The following NUTM2F variants were observed in gnomAD, a reference collection of about 807,000 sequenced individuals.
The protein encoded by NUTM2F is family with sequence similarity 22, member F.
Under a neutral mutation model 43.3 loss-of-function variants are expected in NUTM2F, and 22 were observed. The observed-to-expected ratio is 0.51, with a 90% CI of 0.36 to 0.73. The LOEUF is 0.73. Among genes scored for constraint, NUTM2F ranks in the 30% least tolerant of loss-of-function variants. The pLI, the probability that NUTM2F is intolerant of heterozygous loss-of-function variation, is 0.00. For synonymous variants in NUTM2F, 202 were observed against 389.0 expected (o/e 0.52, Z 5.66); for missense variants, 488 against 927.4 (o/e 0.53, Z 6.15).
At chr9:94,324,021 G>A (rs1831417269) in intron 2 of NUTM2F, among the ~76,000 whole-genome samples, 1 of 152,190 alleles carries the variant, frequency 6.6e-6, no homozygotes, top group South Asian at 2.1e-4. Context: ...TGCAATCCTA[G>A]CACTTTGGGA....
Position 94,320,721 on chromosome 9 carries a change from G to A in NUTM2F, c.983-128C>T, listed in dbSNP as rs931448290. 13 of 1,358,518 alleles carry A rather than the reference G, an allele frequency of 9.6e-6. No homozygotes were observed. The highest frequency in any genetic ancestry group is 1.5e-5 in the African/African-American group (1 of 68,738). 84.2% of individuals were successfully genotyped at this position (1,358,518 alleles called of 1,614,324 possible). A position where few individuals can be genotyped will look rare whatever the true frequency, so the allele number is the denominator to read the frequency against. The stretch of plus-strand genomic sequence containing the variant: ...GGGTCAGGACCACCTGAACCACAGC[G>A]CCCCGGAGGAGACGCCACAGGAGGG... On this transcript the variant is annotated intron_variant, in intron 4 of 6. Transcript: ENST00000253262. This position sits in a 1 kb window ranked among gnomAD's most constrained non-coding sequence, Gnocchi z 4.5.
chr9:94,324,857 C>T (rs1282339917), intron 2 of NUTM2F, among the ~76,000 whole-genome samples: 1 of 149,636 alleles, frequency 6.7e-6, no homozygotes, highest in African/African-American at 2.5e-5. Flanking sequence ...CATGGTGGCA[C>T]ATGCCTGTAA....
At position 94,325,887 on chromosome 9, in the gene NUTM2F, G is replaced by A. The variant is rs1384495492; in HGVS notation, c.64C>T (p.Leu22=). The stretch of plus-strand genomic sequence containing the variant: ...AAGGGCAGAGCCGTGAACACAGACA[G>A]GGAGGTGCCAGGGTTCACGGTCACG... ...PGVTVNPGTS[L]SVFTALPFAT... is the part of the protein sequence containing the mutation. Residue 22 remains leucine (L), a synonymous_variant, in exon 2 of 7, where the codon CTG becomes TTG. Transcript: ENST00000253262. 4 of 1,611,852 alleles carry A rather than the reference G, an allele frequency of 2.5e-6. No individual in the cohort carries two copies. The African/African-American group carries it at 5.3e-5, about 22-fold the overall frequency.
chr9:94,323,793 G>C (rs192934813), intron 2 of NUTM2F, among the ~76,000 whole-genome samples: 1 of 152,108 alleles, frequency 6.6e-6, no homozygotes, highest in Non-Finnish European at 1.5e-5. Flanking sequence ...ACCCTAGTGC[G>C]GGTCCCAAGA....
Position 94,320,660 on chromosome 9 carries a change from A to G in NUTM2F, c.983-67T>C, listed in dbSNP as rs1427672539. 6.9e-7 allele frequency: 1 copy of G among 1,459,128 alleles called. No individual in the cohort carries two copies. Among genetic ancestry groups the G allele is most frequent in the African/African-American group, 1.4e-5 (1 of 71,578 alleles). The allele number at this position is 1,459,128 out of a possible 1,614,324, so 90.4% of individuals were successfully genotyped here. On this transcript the variant is annotated intron_variant, in intron 4 of 6. Transcript: ENST00000253262. The surrounding 1 kb of genome is among the most constrained non-coding windows in gnomAD (Gnocchi z 4.5). Reference sequence around the variant, plus strand: ...TCCTCCTGCCTGCACCACACAGGGGAGGGCAGGGCTTGGGGATGTGAAGTG... The same window carrying G: ...TCCTCCTGCCTGCACCACACAGGGGGGGGCAGGGCTTGGGGATGTGAAGTG...
chr9:94,322,977 C>A (rs1415849814), intron 2 of NUTM2F, among the ~76,000 whole-genome samples: 5 of 151,328 alleles, frequency 3.3e-5, no homozygotes, highest in Admixed American at 2.6e-4. Context: ...GTGCAGGTTC[C>A]TGGGCCACAG....
intron 2 of NUTM2F, among the ~76,000 whole-genome samples, chr9:94,322,635 T>A (rs1006468219): frequency 1.3e-5 from 2 of 152,196 alleles, no homozygotes; most frequent in Non-Finnish European, 2.9e-5. Flanking sequence ...TCAGTGTCAG[T>A]GTGTCAGTAT....
At position 94,325,794 on chromosome 9, in the gene NUTM2F, G is replaced by C. The variant is rs1283088247; in HGVS notation, c.157C>G (p.Pro53Ala). ...LVTAVVPPAG[P>A]LVLSAFPSTP... ...CTGGGGAAGGCAGAGAGCACCAGAG[G>C]GCCGGCTGGAGGAACCACTGCAGTC... Residue 53 changes from proline (P) to alanine (A), a missense_variant, in exon 2 of 7, where the codon CCT (proline) becomes GCT (alanine). Physicochemically the swap from Pro to Ala is conservative, Grantham distance 27. Coordinates refer to ENST00000253262, the MANE Select transcript of NUTM2F (RefSeq NM_017561.2). 6.2e-7 allele frequency: 1 copy of C among 1,612,176 alleles called. No individual in the cohort carries two copies. The highest frequency in any genetic ancestry group is 1.3e-5 in the African/African-American group (1 of 74,996).
chr9:94,327,287 A>G (rs1021063019), intron 1 of NUTM2F, among the ~76,000 whole-genome samples: 6 of 151,802 alleles, frequency 4.0e-5, no homozygotes, highest in African/African-American at 1.5e-4. Context: ...TATTTTTAGT[A>G]GAGACGGGGT....
chr9:94,321,195 G>C lies in NUTM2F; in HGVS notation c.880C>G (p.Gln294Glu). 1 of 1,571,268 alleles carries C rather than the reference G, an allele frequency of 6.4e-7. No individual in the cohort carries two copies. The highest frequency in any genetic ancestry group is 8.6e-7 in the Non-Finnish European group (1 of 1,166,664). ...GGCCCCTTCATCCACTGCGATTTCT[G>C]AATCTGCATCTCCTCCTCAGCCTCA... ...EFEAEEEMQI[Q>E]KSQWMKGPQS... The change falls in exon 4 of 7, where the codon CAG (glutamine) becomes GAG (glutamate). Residue 294 changes from glutamine (Q) to glutamate (E), a missense_variant. Physicochemically the swap from Gln to Glu is conservative, Grantham distance 29 (BLOSUM62 2). Coordinates refer to ENST00000253262, the MANE Select transcript of NUTM2F (RefSeq NM_017561.2).
At chr9:94,324,215 A>G (rs1177822383) in intron 2 of NUTM2F, among the ~76,000 whole-genome samples, 6 of 151,902 alleles carry the variant, frequency 3.9e-5, no homozygotes, top group Non-Finnish European at 8.8e-5. Flanking sequence ...GGTTGCGGTG[A>G]GCCAAGATCT....
intron 3 of NUTM2F, among the ~76,000 whole-genome samples, chr9:94,321,857 C>T (rs1357158604): frequency 2.0e-5 from 3 of 151,340 alleles, no homozygotes; most frequent in African/African-American, 7.3e-5. Flanking sequence ...AGGAGCCTGC[C>T]CCCCACTCTG....
rs1450730906 is a variant in NUTM2F at position 94,322,129 on chromosome 9, C to G, written c.842+72G>C. 5.7e-6 allele frequency: 9 copies of G among 1,592,108 alleles called. No homozygotes were observed. The African/African-American group carries it at 9.5e-5, about 17-fold the overall frequency. On this transcript the variant is annotated intron_variant, in intron 3 of 6. Coordinates refer to ENST00000253262, the MANE Select transcript of NUTM2F (RefSeq NM_017561.2). ...CTCATGCTCCATGCTGAGAAGCCACCACGGCCACCGGGCCTCTGTCATTCA... is the reference window on the plus strand; with the variant it reads ...CTCATGCTCCATGCTGAGAAGCCACGACGGCCACCGGGCCTCTGTCATTCA...
In NUTM2F at chr9:94,322,330, C is replaced by T. The variant is rs762953320; in HGVS notation, c.714-1G>A. The T allele has an allele frequency of 6.2e-7, 1 of 1,611,920 alleles. No homozygotes were observed. The highest frequency in any genetic ancestry group is 8.5e-7 in the Non-Finnish European group (1 of 1,179,818). On this transcript the variant is annotated splice_acceptor_variant, in intron 2 of 6. Coordinates refer to ENST00000253262, the MANE Select transcript of NUTM2F (RefSeq NM_017561.2). LOFTEE classifies it high-confidence loss of function. ...CCGGGCCAGGGATCGGAGAACTGGGCTGTAAACCAGTGCAGTCAGTCCCAG... is the reference window on the plus strand; with the variant it reads ...CCGGGCCAGGGATCGGAGAACTGGGTTGTAAACCAGTGCAGTCAGTCCCAG...
At chr9:94,326,193 C>A (rs1314205369) in intron 1 of NUTM2F, among the ~76,000 whole-genome samples, 1 of 151,900 alleles carries the variant, frequency 6.6e-6, no homozygotes, top group East Asian at 1.9e-4. Flanking sequence ...CTCTGAGGGT[C>A]TCCCTCGGGT....
In NUTM2F at chr9:94,320,643, C is replaced by A. The variant is rs1337824577; in HGVS notation, c.983-50G>T. 3 of 1,516,570 alleles carry A rather than the reference C, an allele frequency of 2.0e-6. No homozygotes were observed. Among genetic ancestry groups the A allele is most frequent in the Non-Finnish European group, 2.7e-6 (3 of 1,129,470 alleles). The allele number at this position is 1,516,570 out of a possible 1,614,324, so 93.9% of individuals were successfully genotyped here. ...GGTGTGGTGAGGGCCGCTCCTCCTG[C>A]CTGCACCACACAGGGGAGGGCAGGG... On this transcript the variant is annotated intron_variant, in intron 4 of 6. Coordinates refer to ENST00000253262, the MANE Select transcript of NUTM2F (RefSeq NM_017561.2). This position sits in a 1 kb window ranked among gnomAD's most constrained non-coding sequence, Gnocchi z 4.5.
intron 1 of NUTM2F, 148 bp from the exon 2 acceptor site, chr9:94,326,082 T>G: frequency 1.4e-6 from 1 of 730,656 alleles, no homozygotes; most frequent in Non-Finnish European, 2.3e-6. Flanking sequence ...TCAGATGCTC[T>G]GTTCCTCCAC....
rs565034460 is a variant in NUTM2F, at chr9:94,326,595, C to T, written c.17-661G>A. Among the ~76,000 whole-genome samples, 8 of 152,098 alleles carry T rather than the reference C, an allele frequency of 5.3e-5. No individual in the cohort carries two copies. The South Asian group carries it at 1.2e-3, about 24-fold the overall frequency. ...GTGAAACCCCGTCTCTACTAAAATA[C>T]AAAAATTAGCTGATGGTGCGTGCCT... On this transcript the variant is annotated intron_variant, in intron 1 of 6. Coordinates refer to ENST00000253262, the MANE Select transcript of NUTM2F (RefSeq NM_017561.2).
chr9:94,328,572 G>A (rs1388262529), intron 1 of NUTM2F, 36 bp downstream of exon 1: 18 of 1,613,738 alleles, frequency 1.1e-5, no homozygotes, highest in Admixed American at 1.7e-5. Context: ...TTGAGGCAAG[G>A]CAGACTCGGA....
Sources: gnomAD v4.1 joint callset for allele counts (sites outside exome capture counted in the v4.1 genomes callset) on GRCh38, gnomAD v4.1.1 for gene constraint, Gnocchi (gnomAD v3.1) non-coding constraint, MANE v1.5 for transcripts, NCBI Gene and HGNC (gene_info 2026-07-23, HGNC 2026-07-21) for gene names.